Variants in RNF19A observed in about 807,000 individuals in gnomAD.
RNF19A encodes E3 ubiquitin-protein ligase RNF19A.
In RNF19A, 32 loss-of-function variants were observed where a neutral mutation model predicts 75.7. The ratio of observed to expected loss-of-function variants is 0.42; its 90% CI spans 0.32 to 0.57. The LOEUF (loss-of-function observed/expected upper bound fraction) is 0.57, where lower values mean the gene tolerates loss of function less well. RNF19A is among the 20% of genes least tolerant of loss of function. RNF19A has a pLI of 0.10. For synonymous variants in RNF19A, 335 were observed against 345.2 expected, an observed-to-expected ratio of 0.97 and a Z score of 0.33; for missense variants, 782 against 1,036.3, an observed-to-expected ratio of 0.75 and a Z score of 3.37.
chr8:100,310,331 C>T (rs911528532), upstream of RNF19A: 3 of 804,112 alleles, frequency 3.7e-6, no homozygotes, highest in Non-Finnish European at 4.5e-6. Flanking sequence ...GGCCCCCACG[C>T]CTGTCCCTGG....
intron 1 of RNF19A, among the ~76,000 whole-genome samples, chr8:100,301,180 C>T (rs1586674505): frequency 6.6e-6 from 1 of 152,182 alleles, no homozygotes; most frequent in Non-Finnish European, 1.5e-5. Flanking sequence ...CTATTGGCTA[C>T]CATATTGGAC....
At chr8:100,288,679 A>C (rs1250077077) in intron 1 of RNF19A, among the ~76,000 whole-genome samples, 1 of 152,104 alleles carries the variant, frequency 6.6e-6, no homozygotes, top group Non-Finnish European at 1.5e-5. Context: ...AGATATAATG[A>C]CTTCTTATAA....
At chr8:100,316,456 T>C (rs1586696833) in intron 1 of RNF19A, among the ~76,000 whole-genome samples, 1 of 152,218 alleles carries the variant, frequency 6.6e-6, no homozygotes, top group East Asian at 1.9e-4. Flanking sequence ...TTTGACAGGG[T>C]GCTGATTGGT....
chr8:100,323,690 G>C lies in RNF19A; in HGVS notation c.-242-10318C>G, dbSNP rs1028457176. Among the ~76,000 whole-genome samples the C allele has an allele frequency of 6.6e-6, 1 of 152,124 alleles. No homozygotes were observed. Among genetic ancestry groups the C allele is most frequent in the Non-Finnish European group, 1.5e-5 (1 of 68,030 alleles). The stretch of plus-strand genomic sequence containing the variant: ...GCAAATGTGGTCAGAACCCAAAATG[G>C]CTAATTGAAAGTTTGTGTGATATGA... On this transcript the variant is annotated intron_variant, in intron 1 of 3. Coordinates refer to the RNF19A transcript ENST00000519527. The surrounding 1 kb of genome is among the most constrained non-coding windows in gnomAD (Gnocchi z 4.6).
chr8:100,286,655 TA>T lies in RNF19A; in HGVS notation c.674+845del, dbSNP rs549585310. Among the ~76,000 whole-genome samples the T allele has an allele frequency of 2.1e-3, 320 of 152,330 alleles. 4 individuals carry two copies. Among genetic ancestry groups the T allele is most frequent in the African/African-American group, 7.3e-3 (304 of 41,576 alleles). On this transcript the variant is annotated intron_variant, in intron 2 of 9. Transcript: ENST00000341084. Reference sequence around the variant, plus strand: ...AATGAGTCTTGAAGTTGTAATTTGATAAATGAAACTCACATCCCAGTCTTGC... The same window carrying T: ...AATGAGTCTTGAAGTTGTAATTTGATAATGAAACTCACATCCCAGTCTTGC...
chr8:100,308,500 C>CAAA (rs1250621062), intron 1 of RNF19A, among the ~76,000 whole-genome samples: 6 of 152,000 alleles, frequency 3.9e-5, no homozygotes, highest in African/African-American at 1.2e-4. Context: ...GTTAAAGAAG[C>CAAA]AAAAACAGGC....
At chr8:100,302,833 T>C (rs1821896810) in intron 1 of RNF19A, among the ~76,000 whole-genome samples, 1 of 152,132 alleles carries the variant, frequency 6.6e-6, no homozygotes, top group South Asian at 2.1e-4. Flanking sequence ...GTCAACTACA[T>C]CTTAAAAAGT....
At chr8:100,328,505 T>G (rs1822568950) in intron 1 of RNF19A, among the ~76,000 whole-genome samples, 2 of 151,876 alleles carry the variant, frequency 1.3e-5, no homozygotes, top group Admixed American at 1.3e-4. Flanking sequence ...AGAGTCTCGC[T>G]CTGTCACCTA....
chr8:100,304,504 G>A (rs927323992), intron 1 of RNF19A, among the ~76,000 whole-genome samples: 43 of 151,856 alleles, frequency 2.8e-4, no homozygotes, highest in Non-Finnish European at 1.5e-5. Flanking sequence ...CCCCACTTAC[G>A]CACTCACATT....
rs1267850871 is a variant in RNF19A, at chr8:100,331,775, A to G, written c.-243+4333T>C. 6.6e-6 allele frequency among the ~76,000 whole-genome samples: 1 copy of G among 152,214 alleles called. No individual in the cohort carries two copies. Among genetic ancestry groups the G allele is most frequent in the African/African-American group, 2.4e-5 (1 of 41,454 alleles). ...TGCAGACAACTATTATCCGTTTCATATGTATTGATCAAAAGCAAGTCTGTG... is the reference window on the plus strand; with the variant it reads ...TGCAGACAACTATTATCCGTTTCATGTGTATTGATCAAAAGCAAGTCTGTG... On this transcript the variant is annotated intron_variant, in intron 1 of 3. Coordinates refer to the RNF19A transcript ENST00000519527. This position sits in a 1 kb window ranked among gnomAD's most constrained non-coding sequence, Gnocchi z 5.2.
intron 1 of RNF19A, among the ~76,000 whole-genome samples, chr8:100,296,081 G>A (rs1045437310): frequency 2.0e-5 from 3 of 152,044 alleles, no homozygotes; most frequent in African/African-American, 7.2e-5. Context: ...TGCATTCTCT[G>A]GGCATTATTC....
intron 7 of RNF19A, among the ~76,000 whole-genome samples, chr8:100,263,375 C>T (rs1171474564): frequency 6.6e-6 from 1 of 152,092 alleles, no homozygotes; most frequent in Non-Finnish European, 1.5e-5. Flanking sequence ...TATTAGGTTA[C>T]GTGGAGGCCA....
At chr8:100,262,880 G>C (rs932070565) in intron 7 of RNF19A, among the ~76,000 whole-genome samples, 4 of 152,138 alleles carry the variant, frequency 2.6e-5, no homozygotes, top group African/African-American at 4.8e-5. Flanking sequence ...AGATCAATCA[G>C]ATGTAGGACA....
intron 2 of RNF19A, among the ~76,000 whole-genome samples, chr8:100,278,938 C>T (rs1215169372): frequency 2.0e-5 from 3 of 151,972 alleles, no homozygotes; most frequent in Non-Finnish European, 1.5e-5. Flanking sequence ...CAGAGAAAAC[C>T]GTGGACCTAA....
intron 2 of RNF19A, among the ~76,000 whole-genome samples, chr8:100,280,985 T>C (rs887199226): frequency 1.3e-5 from 2 of 152,288 alleles, no homozygotes; most frequent in Middle Eastern, 3.4e-3. Flanking sequence ...TAAGTGTTAT[T>C]TGGAAAAAGA....
chr8:100,311,556 A>G, upstream of RNF19A, among the ~76,000 whole-genome samples: 1 of 151,930 alleles, frequency 6.6e-6, no homozygotes, highest in East Asian at 1.9e-4. Flanking sequence ...GTCTCTACTA[A>G]AAATACAAAA....
intron 1 of RNF19A, among the ~76,000 whole-genome samples, chr8:100,303,820 C>T (rs550600374): frequency 1.3e-3 from 198 of 151,248 alleles, no homozygotes; most frequent in African/African-American, 4.4e-3. Flanking sequence ...TGCCTGTAAT[C>T]CCAGCTACTG....
rs896495388 is a variant in RNF19A, at chr8:100,331,438, C to G, written c.-243+4670G>C. On this transcript the variant is annotated intron_variant, in intron 1 of 3. Coordinates refer to the RNF19A transcript ENST00000519527. This position sits in a 1 kb window ranked among gnomAD's most constrained non-coding sequence, Gnocchi z 5.2. ...ACTGCTTGAGCCCAGGAGTTTGGGA[C>G]CAGCCTGGACAACATGGTGAAACTC... is the stretch of plus-strand genomic sequence containing the variant. 6.6e-6 allele frequency among the ~76,000 whole-genome samples: 1 copy of G among 152,092 alleles called. No homozygotes were observed. Among genetic ancestry groups the G allele is most frequent in the Non-Finnish European group, 1.5e-5 (1 of 68,014 alleles).
At chr8:100,285,689 G>C (rs987853809) in intron 2 of RNF19A, among the ~76,000 whole-genome samples, 1 of 151,534 alleles carries the variant, frequency 6.6e-6, no homozygotes, top group African/African-American at 2.4e-5. Context: ...CTGGAGTATA[G>C]TGGCGCAATC....
Sources: allele counts gnomAD v4.1 joint callset (sites outside exome capture counted in the v4.1 genomes callset), GRCh38; gene constraint gnomAD v4.1.1; non-coding constraint Gnocchi (gnomAD v3.1); transcripts MANE v1.5; gene names NCBI Gene and HGNC (gene_info 2026-07-23, HGNC 2026-07-21).